MDGA2: variants seen among roughly 807,000 people sequenced by gnomAD.
MDGA2 encodes MAM domain containing glycosylphosphatidylinositol anchor 2.
A neutral mutation model predicts 117.8 loss-of-function variants in MDGA2; 40 were observed. That is an observed-to-expected ratio of 0.34 (90% CI 0.26 to 0.44). MDGA2 has a LOEUF of 0.44. MDGA2 is among the 20% of genes least tolerant of loss of function. The pLI, the probability that MDGA2 is intolerant of heterozygous loss-of-function variation, is 1.00. For missense variants in MDGA2, 1,123 were observed against 1,250.6 expected (o/e 0.90, Z 1.54); for synonymous variants, 452 against 439.0 (o/e 1.03, Z -0.37).
chr14:46,957,345 G>A (rs763021961), intron 9 of MDGA2, 29 bp downstream of exon 9: 22 of 1,598,804 alleles, frequency 1.4e-5, no homozygotes, highest in Non-Finnish European at 1.8e-5. Flanking sequence ...AAAACAAAAT[G>A]TATAAAAAGA....
chr14:47,522,835 T>A (rs1417870958), intron 1 of MDGA2, among the ~76,000 whole-genome samples: 1 of 152,212 alleles, frequency 6.6e-6, no homozygotes, highest in Non-Finnish European at 1.5e-5. Flanking sequence ...ATTGACACTT[T>A]CGGGTAATCT....
At chr14:47,328,396 T>C (rs1484855330) in intron 1 of MDGA2, among the ~76,000 whole-genome samples, 1 of 152,144 alleles carries the variant, frequency 6.6e-6, no homozygotes, top group African/African-American at 2.4e-5. Flanking sequence ...AGAAGAAAAC[T>C]ACATATTAAA....
chr14:47,247,632 T>TTTATTATGATTATTA, intron 2 of MDGA2, among the ~76,000 whole-genome samples: 1 of 146,138 alleles, frequency 6.8e-6, no homozygotes, highest in African/African-American at 2.5e-5. Flanking sequence ...TCAGTACATA[T>TTTATTATGATTATTA]TTATTATTAT....
At chr14:46,905,656 T>C (rs898235207) in intron 10 of MDGA2, among the ~76,000 whole-genome samples, 1 of 152,150 alleles carries the variant, frequency 6.6e-6, no homozygotes, top group African/African-American at 2.4e-5. Flanking sequence ...TATTGCTAGA[T>C]GCTTTGAGCA....
At chr14:47,488,667 T>C (rs989141691) in intron 1 of MDGA2, among the ~76,000 whole-genome samples, 2 of 152,118 alleles carry the variant, frequency 1.3e-5, no homozygotes, top group Non-Finnish European at 2.9e-5. Context: ...GATTGTTTAT[T>C]AGAGATTTAT....
chr14:47,059,109 G>T, intron 7 of MDGA2: 1 of 1,015,236 alleles, frequency 9.8e-7, no homozygotes, highest in Non-Finnish European at 1.2e-6. Flanking sequence ...CTATATTATA[G>T]AGACAATGGG....
chr14:47,599,988 GTTAGT>G (rs1376490781), intron 1 of MDGA2, among the ~76,000 whole-genome samples: 1 of 152,114 alleles, frequency 6.6e-6, no homozygotes, highest in Non-Finnish European at 1.5e-5. Flanking sequence ...TGATTTGGTT[GTTAGT>G]TTACACTATA....
At chr14:46,998,275 C>G (rs1887372922) in intron 8 of MDGA2, among the ~76,000 whole-genome samples, 1 of 151,914 alleles carries the variant, frequency 6.6e-6, no homozygotes, top group Non-Finnish European at 1.5e-5. Flanking sequence ...GAGATCCAGT[C>G]TCTATAAAAA....
chr14:46,877,928 G>A lies in MDGA2; in HGVS notation c.2417-419C>T, dbSNP rs766039145. Among the ~76,000 whole-genome samples the A allele has an allele frequency of 1.9e-4, 29 of 151,846 alleles. No individual in the cohort carries two copies. The Middle Eastern group carries it at 0.017, about 89-fold the overall frequency. The stretch of plus-strand genomic sequence containing the variant: ...AGAGTTTCCACTTTTGTTTTTTGCT[G>A]TTTTCTACTTCTACTGAGAGTAAAG... On this transcript the variant is annotated intron_variant, in intron 11 of 16. Transcript: ENST00000399232.
intron 3 of MDGA2, among the ~76,000 whole-genome samples, chr14:47,176,787 C>A (rs1884471979): frequency 6.6e-6 from 1 of 152,006 alleles, no homozygotes; most frequent in African/African-American, 2.4e-5. Flanking sequence ...CAACAAAAGC[C>A]AAAATTGACA....
chr14:46,914,739 G>A (rs1048673060), intron 10 of MDGA2, among the ~76,000 whole-genome samples: 9 of 152,022 alleles, frequency 5.9e-5, no homozygotes, highest in Non-Finnish European at 1.2e-4. Context: ...AATCGAATTT[G>A]TTTTCAGACT....
At chr14:47,086,672 A>T (rs1890914859) in intron 6 of MDGA2, among the ~76,000 whole-genome samples, 4 of 152,194 alleles carry the variant, frequency 2.6e-5, no homozygotes, top group Admixed American at 2.6e-4. Context: ...AAGAAAATGA[A>T]GTAAGTTCAA....
At chr14:47,586,245 A>G (rs934869786) in intron 1 of MDGA2, among the ~76,000 whole-genome samples, 4 of 151,938 alleles carry the variant, frequency 2.6e-5, no homozygotes, top group African/African-American at 9.7e-5. Flanking sequence ...TACTACTACC[A>G]TAACCCTGAC....
At chr14:47,265,036 G>C (rs1887919648) in intron 2 of MDGA2, among the ~76,000 whole-genome samples, 3 of 152,068 alleles carry the variant, frequency 2.0e-5, no homozygotes, top group Admixed American at 2.0e-4. Flanking sequence ...CTAAACAAAT[G>C]AAACCAAGCA....
chr14:47,004,936 T>C (rs1887658244), intron 8 of MDGA2, among the ~76,000 whole-genome samples: 1 of 151,672 alleles, frequency 6.6e-6, no homozygotes, highest in South Asian at 2.1e-4. Context: ...GAATTACAAT[T>C]AATTTTTGTA....
In MDGA2 at chr14:47,131,737, G is replaced by T. The variant is rs1480259289; in HGVS notation, c.902C>A (p.Ser301Ter). The change falls in exon 5 of 17, where the codon TCG becomes TAG. Residue 301 changes from serine to a stop codon, truncating the protein, a stop_gained. Coordinates refer to ENST00000399232, the MANE Select transcript of MDGA2 (RefSeq NM_001113498.3). LOFTEE classifies it high-confidence loss of function. ...NVCNIPDKMV[S>*]FRLSNKTASP... ...ACCTGTTTTATTGGACAGTCTAAAC[G>T]ACACCATCTTATCAGGAATATTACA... The T allele has an allele frequency of 6.3e-7, 1 of 1,575,230 alleles. No homozygotes were observed. The highest frequency in any genetic ancestry group is 1.7e-5 in the Admixed American group (1 of 59,678).
chr14:47,513,223 G>A (rs1391709153), intron 1 of MDGA2, among the ~76,000 whole-genome samples: 1 of 152,122 alleles, frequency 6.6e-6, no homozygotes, highest in Non-Finnish European at 1.5e-5. Flanking sequence ...TTATATAGGA[G>A]AAGTATTCAG....
rs571018835 is a variant in MDGA2, at chr14:47,218,114, T to C, written c.502A>G (p.Asn168Asp). 9 of 1,551,390 alleles carry C rather than the reference T, an allele frequency of 5.8e-6. No individual in the cohort carries two copies. In the African/African-American group the frequency reaches 9.6e-5, roughly 17 times the overall value. The stretch of plus-strand genomic sequence containing the variant: ...CGGCCTCCTTGGTGTCGCTGAATAT[T>C]TGTAATCCTCAAAGTCTCATTGAAG... ...SVFNETLRIT[N>D]IQRHQGGRYY... Residue 168 changes from asparagine (N) to aspartate (D), a missense_variant, in exon 3 of 17, where the codon AAT becomes GAT. Physicochemically the swap from Asn to Asp is conservative, Grantham distance 23 (BLOSUM62 1). Around this residue, in one of 2 missense-constraint regions of MDGA2, gnomAD observed 233 missense variants for 200.3 expected, o/e 1.16. Transcript: ENST00000399232.
At chr14:47,016,534 T>C (rs1445266064) in intron 8 of MDGA2, among the ~76,000 whole-genome samples, 23 of 151,968 alleles carry the variant, frequency 1.5e-4, no homozygotes, top group Admixed American at 1.5e-3. Context: ...AAAAAATAAA[T>C]GCACTGAAAA....
Sources: allele counts gnomAD v4.1 joint callset (sites outside exome capture counted in the v4.1 genomes callset), GRCh38; gene constraint gnomAD v4.1.1; regional missense constraint gnomAD v4.1.1; transcripts MANE v1.5; gene names NCBI Gene and HGNC (gene_info 2026-07-23, HGNC 2026-07-21).